Variants in USP49 observed in about 807,000 individuals in gnomAD.
USP49 encodes ubiquitin specific peptidase 49.
USP49 carries 24 observed loss-of-function variants against 58.6 expected under a neutral mutation model. The observed-to-expected ratio is 0.41, with a 90% CI of 0.30 to 0.58. The LOEUF (loss-of-function observed/expected upper bound fraction) is 0.58. Ranked by LOEUF, USP49 falls within the 20% of genes least tolerant of loss-of-function variation. The pLI is 0.30. For missense variants in USP49, 703 were observed against 866.1 expected (o/e 0.81, Z 2.36); for synonymous variants, 408 against 365.1 (o/e 1.12, Z -1.34).
Position 41,806,702 on chromosome 6 carries a change from C to T in USP49, c.282G>A (p.Leu94=). The change falls in exon 4 of 8, where the codon CTG becomes CTA. Residue 94 remains leucine (L), a synonymous_variant. Coordinates refer to ENST00000682992, the MANE Select transcript of USP49 (RefSeq NM_001286554.2). The surrounding 1 kb of genome is among the most constrained non-coding windows in gnomAD (Gnocchi z 5.9). Reference sequence around the variant, plus strand: ...GGACCGCCAGGAGGGAGCTTCTTAGCAGCTTCAGGTCCCCCTCTGGGTTAT... The same window carrying T: ...GGACCGCCAGGAGGGAGCTTCTTAGTAGCTTCAGGTCCCCCTCTGGGTTAT... ...LNDNPEGDLK[L]LRSSLLAVRG... is the part of the protein sequence containing the mutation. 1 of 1,614,262 alleles carries T rather than the reference C, an allele frequency of 6.2e-7. No homozygotes were observed. Among genetic ancestry groups the T allele is most frequent in the Non-Finnish European group, 8.5e-7 (1 of 1,180,044 alleles).
At chr6:41,797,361 TGAGGAGGAA>T (rs1394275643) in intron 7 of USP49, among the ~76,000 whole-genome samples, 5 of 151,714 alleles carry the variant, frequency 3.3e-5, no homozygotes, top group Non-Finnish European at 7.4e-5. Context: ...AATGGGGAGA[TGAGGAGGAA>T]GAGGAGGAGG....
chr6:41,840,988 G>C (rs1773816797), intron 3 of USP49, among the ~76,000 whole-genome samples: 1 of 150,782 alleles, frequency 6.6e-6, no homozygotes, highest in Non-Finnish European at 1.5e-5. Flanking sequence ...CTGGGTGACA[G>C]AGCAAGATCC....
Position 41,790,246 on chromosome 6 carries a change from AG to A in USP49, c.*6286del, listed in dbSNP as rs1772772737. 6.6e-6 allele frequency: 1 copy of A among 152,240 alleles called. No individual in the cohort carries two copies. The highest frequency in any genetic ancestry group is 1.5e-5 in the Non-Finnish European group (1 of 68,050). The allele number at this position is 152,240 out of a possible 1,614,324, so 9.4% of individuals were successfully genotyped here. A position where few individuals can be genotyped will look rare whatever the true frequency, so the allele number is the denominator to read the frequency against. ...TGCTGGAATAGTGAGGTTTGGTGGC[AG>A]AAAGAGGGCAGTGATGTGTAGGGGG... On this transcript the variant is annotated 3_prime_UTR_variant, in exon 8 of 8. Transcript: ENST00000682992.
At chr6:41,828,931 A>AGTCTTTTT (rs1244607903) in intron 3 of USP49, among the ~76,000 whole-genome samples, 1 of 152,132 alleles carries the variant, frequency 6.6e-6, no homozygotes, top group East Asian at 1.9e-4. Flanking sequence ...TATTTAGGGA[A>AGTCTTTTT]AATTACCTCT....
chr6:41,880,985 T>G (rs1774593849), intron 2 of USP49, among the ~76,000 whole-genome samples: 1 of 151,712 alleles, frequency 6.6e-6, no homozygotes, highest in Non-Finnish European at 1.5e-5. Context: ...CAGGCTGGAG[T>G]GCAGTGGTAT....
At position 41,796,534 on chromosome 6, in the gene USP49, C is replaced by T. The variant is rs1286732307; in HGVS notation, c.2066G>A (p.Ter689=). The change falls in exon 8 of 8, where the codon TGA becomes TAA. Residue 689 remains the stop codon, a stop_retained_variant. Transcript: ENST00000682992. The part of the protein sequence containing the change: ...NDEGRPQTFS[*] ...CAGTCTTTGATACATGCCTCCCATT[C>T]AGGAAAATGTCTGTGGTCTGCCTTC... 1.4e-6 allele frequency: 1 copy of T among 717,172 alleles called. No homozygotes were observed. Among genetic ancestry groups the T allele is most frequent in the South Asian group, 1.5e-5 (1 of 67,588 alleles). 44.4% of individuals were successfully genotyped at this position (717,172 alleles called of 1,614,324 possible).
chr6:41,838,993 A>T (rs1297377291), intron 3 of USP49, among the ~76,000 whole-genome samples: 1 of 152,216 alleles, frequency 6.6e-6, no homozygotes, highest in Non-Finnish European at 1.5e-5. Context: ...TGAAATCAAG[A>T]TGGAAATTTA....
chr6:41,826,584 T>G (rs964458928), intron 3 of USP49, among the ~76,000 whole-genome samples: 1 of 152,042 alleles, frequency 6.6e-6, no homozygotes, highest in African/African-American at 2.4e-5. Context: ...AATTGTCACA[T>G]GACAATGATA....
Position 41,806,989 on chromosome 6 carries a change from ATAG to A in USP49, c.-9_-7del. On this transcript the variant is annotated 5_prime_UTR_variant, in exon 4 of 8. Transcript: ENST00000682992. The surrounding 1 kb of genome is among the most constrained non-coding windows in gnomAD (Gnocchi z 5.9). ...ACATGTTTGCATCTATCCATGTCTT[ATAG>A]AAGTCGCCACTTTCTCAACCTGGCA... The A allele has an allele frequency of 6.7e-7, 1 of 1,498,144 alleles. No individual in the cohort carries two copies. The highest frequency in any genetic ancestry group is 1.4e-5 in the South Asian group (1 of 73,136). The allele number at this position is 1,498,144 out of a possible 1,614,324, so 92.8% of individuals were successfully genotyped here. A position where few individuals can be genotyped will look rare whatever the true frequency, so the allele number is the denominator to read the frequency against.
chr6:41,813,542 A>T (rs941533920), intron 3 of USP49, among the ~76,000 whole-genome samples: 1 of 152,196 alleles, frequency 6.6e-6, no homozygotes, highest in Non-Finnish European at 1.5e-5. Flanking sequence ...AGAGCTGTCA[A>T]ATGAAAAGGG....
At chr6:41,875,766 C>G (rs1015848827) in intron 2 of USP49, among the ~76,000 whole-genome samples, 8 of 152,156 alleles carry the variant, frequency 5.3e-5, no homozygotes, top group Admixed American at 2.6e-4. Flanking sequence ...CTCAGACAGC[C>G]TGTCGCCCAG....
At chr6:41,875,515 A>G (rs935670940) in intron 2 of USP49, among the ~76,000 whole-genome samples, 2 of 152,210 alleles carry the variant, frequency 1.3e-5, no homozygotes, top group African/African-American at 4.8e-5. Flanking sequence ...AGGTGCTTCA[A>G]TAAATACTGA....
intron 3 of USP49, among the ~76,000 whole-genome samples, chr6:41,861,198 C>G (rs1774215204): frequency 6.6e-6 from 1 of 152,018 alleles, no homozygotes; most frequent in African/African-American, 2.4e-5. Flanking sequence ...AATCTCAGCA[C>G]TTTGGGAGGC....
intron 2 of USP49, among the ~76,000 whole-genome samples, chr6:41,882,227 T>C (rs1582038428): frequency 2.6e-5 from 4 of 152,236 alleles, no homozygotes; most frequent in African/African-American, 2.4e-5. Context: ...ACTACTGACA[T>C]TGAGTGGACA....
intron 3 of USP49, among the ~76,000 whole-genome samples, chr6:41,821,161 T>C (rs950149239): frequency 1.3e-5 from 2 of 152,158 alleles, no homozygotes; most frequent in Non-Finnish European, 2.9e-5. Context: ...TAGTTTTACT[T>C]TGAAATGTAC....
intron 3 of USP49, among the ~76,000 whole-genome samples, chr6:41,869,917 C>G (rs1774385098): frequency 6.6e-6 from 1 of 151,998 alleles, no homozygotes; most frequent in Admixed American, 6.6e-5. Flanking sequence ...ATCATATACA[C>G]CCTAAGATAT....
At chr6:41,807,937 G>A (rs1053519546) in intron 3 of USP49, among the ~76,000 whole-genome samples, 40 of 151,108 alleles carry the variant, frequency 2.6e-4, no homozygotes, top group African/African-American at 8.5e-4. Flanking sequence ...CACCACACCC[G>A]GCTAATTTTT....
intron 7 of USP49, among the ~76,000 whole-genome samples, chr6:41,797,206 C>T (rs922378825): frequency 5.9e-5 from 9 of 152,104 alleles, no homozygotes; most frequent in East Asian, 3.9e-4. Context: ...GTGATCCGCC[C>T]GCCTCGGCCT....
chr6:41,870,342 T>C (rs1161917618), intron 3 of USP49, among the ~76,000 whole-genome samples: 1 of 152,222 alleles, frequency 6.6e-6, no homozygotes, highest in African/African-American at 2.4e-5. Context: ...TCCAAATCCA[T>C]GTTTTTAACC....
Sources: allele counts gnomAD v4.1 joint callset (sites outside exome capture counted in the v4.1 genomes callset), GRCh38; gene constraint gnomAD v4.1.1; non-coding constraint Gnocchi (gnomAD v3.1); transcripts MANE v1.5; gene names NCBI Gene and HGNC (gene_info 2026-07-23, HGNC 2026-07-21).